Variants in LYPLAL1 observed in about 807,000 individuals in gnomAD.
The protein encoded by LYPLAL1 is lysophospholipase-like protein 1.
In LYPLAL1, 23 loss-of-function variants were observed where a neutral mutation model predicts 19.7. That is an observed-to-expected ratio of 1.17 (90% CI 0.84 to 1.65). The LOEUF (loss-of-function observed/expected upper bound fraction) is 1.65. Among genes scored for constraint, LYPLAL1 ranks in the 40% most tolerant of loss-of-function variants. The pLI is 0.00. For synonymous variants in LYPLAL1, 119 were observed against 96.3 expected (o/e 1.24, Z -1.38); for missense variants, 355 against 279.4 (o/e 1.27, Z -1.93).
At chr1:219,183,343 G>A (rs1656449356) in intron 2 of LYPLAL1, among the ~76,000 whole-genome samples, 1 of 151,620 alleles carries the variant, frequency 6.6e-6, no homozygotes, top group Non-Finnish European at 1.5e-5. Flanking sequence ...TATTGTTGTT[G>A]GATATATGAA....
chr1:219,222,755 A>G, the LYPLAL1 span: 1 of 152,178 alleles, frequency 6.6e-6, no homozygotes, highest in Non-Finnish European at 1.5e-5. Context: ...AAAATACCAT[A>G]GAATCATTAA....
the LYPLAL1 span, among the ~76,000 whole-genome samples, chr1:219,337,907 A>G: frequency 6.6e-6 from 1 of 152,110 alleles, no homozygotes; most frequent in Non-Finnish European, 1.5e-5. Context: ...TTCAGAATTA[A>G]AAAGACACAC....
the LYPLAL1 span, among the ~76,000 whole-genome samples, chr1:219,231,885 T>G: frequency 6.6e-6 from 1 of 152,264 alleles, no homozygotes; most frequent in Admixed American, 6.5e-5. Context: ...TGTAATTATT[T>G]TCTATGTGGC....
At chr1:219,289,319 T>G in the LYPLAL1 span, among the ~76,000 whole-genome samples, 4 of 152,088 alleles carry the variant, frequency 2.6e-5, no homozygotes, top group African/African-American at 7.2e-5. Context: ...TGTAGTGAGA[T>G]CAAATGAGGG....
the LYPLAL1 span, among the ~76,000 whole-genome samples, chr1:219,365,509 G>C: frequency 1.3e-5 from 2 of 152,144 alleles, no homozygotes; most frequent in Admixed American, 1.3e-4. Context: ...TGTGGGACTT[G>C]CATGAATAGC....
At chr1:219,413,404 T>A in the LYPLAL1 span, among the ~76,000 whole-genome samples, 3 of 152,216 alleles carry the variant, frequency 2.0e-5, no homozygotes, top group Non-Finnish European at 4.4e-5. Flanking sequence ...ATGTACCAGA[T>A]AAACAAAACA....
the LYPLAL1 span, among the ~76,000 whole-genome samples, chr1:219,378,054 T>C: frequency 3.2e-4 from 48 of 152,312 alleles, no homozygotes; most frequent in African/African-American, 1.1e-3. Flanking sequence ...GATTTGGCCA[T>C]AGGTTGCTGA....
the LYPLAL1 span, among the ~76,000 whole-genome samples, chr1:219,237,373 A>G: frequency 6.6e-6 from 1 of 152,252 alleles, no homozygotes. Flanking sequence ...ACTCTTAACA[A>G]AGACTCAGAC....
At chr1:219,300,010 G>T in the LYPLAL1 span, among the ~76,000 whole-genome samples, 1 of 152,074 alleles carries the variant, frequency 6.6e-6, no homozygotes, top group Non-Finnish European at 1.5e-5. Context: ...ACAGAGTCTC[G>T]CTCTGTCACC....
chr1:219,386,734 C>G, the LYPLAL1 span, among the ~76,000 whole-genome samples: 6 of 152,148 alleles, frequency 3.9e-5, no homozygotes, highest in Non-Finnish European at 8.8e-5. Context: ...GAACTTAACC[C>G]AAATCTGCCC....
At chr1:219,379,782 A>G in the LYPLAL1 span, among the ~76,000 whole-genome samples, 1 of 152,360 alleles carries the variant, frequency 6.6e-6, no homozygotes, top group Admixed American at 6.5e-5. Flanking sequence ...TGCATGCTAT[A>G]CAAGTAAGAA....
At chr1:219,355,706 G>C in the LYPLAL1 span, among the ~76,000 whole-genome samples, 5,160 of 152,028 alleles carry the variant, frequency 0.034, 284 homozygotes, top group African/African-American at 0.12. Flanking sequence ...CACCAAGATA[G>C]ACCATATGGA....
At chr1:219,403,717 G>A in the LYPLAL1 span, among the ~76,000 whole-genome samples, 1 of 152,178 alleles carries the variant, frequency 6.6e-6, no homozygotes. Flanking sequence ...AAGATTAGAA[G>A]ACTGTTGCGT....
chr1:219,330,119 A>C, the LYPLAL1 span, among the ~76,000 whole-genome samples: 2 of 152,200 alleles, frequency 1.3e-5, no homozygotes, highest in African/African-American at 4.8e-5. Context: ...TAATCATAAA[A>C]GGACAAAGTC....
chr1:219,359,326 G>C, the LYPLAL1 span, among the ~76,000 whole-genome samples: 1 of 152,274 alleles, frequency 6.6e-6, no homozygotes, highest in Non-Finnish European at 1.5e-5. Flanking sequence ...AAAGCAAACT[G>C]TGTTTTCTTA....
At chr1:219,396,643 C>T in the LYPLAL1 span, among the ~76,000 whole-genome samples, 1 of 152,036 alleles carries the variant, frequency 6.6e-6, no homozygotes, top group Non-Finnish European at 1.5e-5. Context: ...TCTTTCATCT[C>T]CCTGGTTAAC....
the LYPLAL1 span, among the ~76,000 whole-genome samples, chr1:219,247,099 T>C: frequency 2.0e-5 from 3 of 152,330 alleles, no homozygotes; most frequent in African/African-American, 7.2e-5. Flanking sequence ...ATTATGTGCC[T>C]AATATCACAT....
At chr1:219,437,369 C>T in the LYPLAL1 span, among the ~76,000 whole-genome samples, 1 of 152,064 alleles carries the variant, frequency 6.6e-6, no homozygotes, top group Non-Finnish European at 1.5e-5. Context: ...CTTCCCACCC[C>T]ACTCCATCCC....
chr1:219,238,435 G>A, the LYPLAL1 span, among the ~76,000 whole-genome samples: 1 of 150,934 alleles, frequency 6.6e-6, no homozygotes, highest in Non-Finnish European at 1.5e-5. Context: ...ACAGGCGTGA[G>A]CCACTGCGCC....
Sources: allele counts gnomAD v4.1 joint callset (sites outside exome capture counted in the v4.1 genomes callset), GRCh38; gene constraint gnomAD v4.1.1; transcripts MANE v1.5; gene names NCBI Gene and HGNC (gene_info 2026-07-23, HGNC 2026-07-21).